The following GNS variants were observed in gnomAD, a reference collection of about 807,000 sequenced individuals.
GNS encodes the protein N-acetylglucosamine-6-sulfatase.
In GNS, 40 loss-of-function variants were observed where a neutral mutation model predicts 69.7. The observed-to-expected ratio is 0.57, with a 90% CI of 0.45 to 0.75. GNS has a LOEUF of 0.75. Ranked by LOEUF, GNS falls within the 30% of genes least tolerant of loss-of-function variation. The pLI is 0.00. For synonymous variants in GNS, 243 were observed against 251.6 expected (o/e 0.97, Z 0.32); for missense variants, 565 against 685.5 (o/e 0.82, Z 1.96).
intron 3 of GNS, among the ~76,000 whole-genome samples, chr12:64,747,377 A>G (rs1334329566): frequency 9.2e-5 from 14 of 152,244 alleles, no homozygotes; most frequent in Admixed American, 8.5e-4. Flanking sequence ...TGACAGCCAC[A>G]TGACAAACAG....
At chr12:64,758,542 C>T (rs1870349578) in intron 1 of GNS, among the ~76,000 whole-genome samples, 1 of 152,030 alleles carries the variant, frequency 6.6e-6, no homozygotes, top group Non-Finnish European at 1.5e-5. Context: ...CCAGGATGGT[C>T]TCGATCTCTT....
chr12:64,737,480 C>T (rs1454648894), intron 8 of GNS, among the ~76,000 whole-genome samples: 1 of 152,172 alleles, frequency 6.6e-6, no homozygotes, highest in Admixed American at 6.5e-5. Flanking sequence ...CCTGTGTTTC[C>T]TGAATAAACT....
chr12:64,737,335 T>C (rs542541100), intron 8 of GNS, among the ~76,000 whole-genome samples: 4 of 152,258 alleles, frequency 2.6e-5, no homozygotes, highest in Admixed American at 6.5e-5. Context: ...TGGCTTATGA[T>C]AGAACAAAAT....
chr12:64,726,331 A>AG (rs1168070295), intron 10 of GNS, among the ~76,000 whole-genome samples: 2 of 151,764 alleles, frequency 1.3e-5, no homozygotes, highest in East Asian at 1.9e-4. Flanking sequence ...GTATCTATAG[A>AG]GAAAAAAAAA....
intron 2 of GNS, among the ~76,000 whole-genome samples, chr12:64,749,113 G>C (rs1026786591): frequency 1.3e-5 from 2 of 150,900 alleles, no homozygotes; most frequent in East Asian, 3.9e-4. Flanking sequence ...CTAATTTTTT[G>C]TATTTTTAGT....
rs1454694759 is a variant in GNS at position 64,728,959 on chromosome 12, A to G, written c.1197T>C (p.Ile399=). The change falls in exon 10 of 14, where the codon ATT becomes ATC. Residue 399 remains isoleucine, a synonymous_variant. Transcript: ENST00000258145. ...TGATTGAGGGCGCTATACTTACCAA[A>G]ATGGGCAATAAGGACATCCCATCCA... ...TQMDGMSLLP[I]LRGASNLTWR... 4 of 1,493,182 alleles carry G rather than the reference A, an allele frequency of 2.7e-6. No homozygotes were observed. In the African/African-American group the frequency reaches 4.1e-5, roughly 15 times the overall value. 92.5% of individuals were successfully genotyped at this position (1,493,182 alleles called of 1,614,324 possible).
intron 2 of GNS, among the ~76,000 whole-genome samples, chr12:64,748,385 A>G (rs78667794): frequency 7.2e-6 from 1 of 139,642 alleles, no homozygotes; most frequent in Non-Finnish European, 1.6e-5. Context: ...TCATTTTTTT[A>G]TTTGTAGAGA....
intron 2 of GNS, among the ~76,000 whole-genome samples, chr12:64,748,414 G>A (rs922797027): frequency 4.1e-5 from 6 of 148,016 alleles, no homozygotes; most frequent in African/African-American, 1.5e-4. Flanking sequence ...TTCCTGTGTT[G>A]TCCAGACTTG....
Position 64,759,406 on chromosome 12 carries a change from C to G in GNS, c.-130G>C. ...TTGAAGGCCGGTGGCTGGAGTCAGACGTTTTCTCCCTAGGCGCGATCACGT... is the reference window on the plus strand; with the variant it reads ...TTGAAGGCCGGTGGCTGGAGTCAGAGGTTTTCTCCCTAGGCGCGATCACGT... On this transcript the variant is annotated 5_prime_UTR_variant, in exon 1 of 14. Coordinates refer to ENST00000258145, the MANE Select transcript of GNS (RefSeq NM_002076.4). 3 of 641,938 alleles carry G rather than the reference C, an allele frequency of 4.7e-6. No homozygotes were observed. The highest frequency in any genetic ancestry group is 2.7e-6 in the Non-Finnish European group (1 of 377,022). The allele number at this position is 641,938 out of a possible 1,614,324, so 39.8% of individuals were successfully genotyped here. A position where few individuals can be genotyped will look rare whatever the true frequency, so the allele number is the denominator to read the frequency against.
chr12:64,745,722 G>T lies in GNS; in HGVS notation c.462C>A (p.Tyr154Ter). The T allele has an allele frequency of 6.3e-7, 1 of 1,595,326 alleles. No homozygotes were observed. Among genetic ancestry groups the T allele is most frequent in the Non-Finnish European group, 8.6e-7 (1 of 1,162,826 alleles). ...CTAGTCCACCTGCATCTGGGGCTCC[G>T]TACTGAAAAGCAAAACAAGTAGGGA... ...TFFAGKYLNE[Y>*]GAPDAGGLEH... is the part of the protein sequence containing the mutation. Residue 154 changes from tyrosine to a stop codon, truncating the protein, a stop_gained and splice_region_variant, in exon 4 of 14, where the codon TAC (tyrosine) becomes TAA (stop). Coordinates refer to ENST00000258145, the MANE Select transcript of GNS (RefSeq NM_002076.4). LOFTEE classifies it high-confidence loss of function.
chr12:64,750,912 GAAAA>G (rs1291676219), intron 2 of GNS, among the ~76,000 whole-genome samples: 1 of 151,478 alleles, frequency 6.6e-6, no homozygotes, highest in Non-Finnish European at 1.5e-5. Flanking sequence ...TCTCAAAAAA[GAAAA>G]AAAAGAAAGA....
At chr12:64,733,654 C>T (rs1334745972) in intron 9 of GNS, among the ~76,000 whole-genome samples, 1 of 152,208 alleles carries the variant, frequency 6.6e-6, no homozygotes, top group African/African-American at 2.4e-5. Flanking sequence ...TGGGGCATCA[C>T]CTGGTTCCAC....
intron 7 of GNS, 150 bp downstream of exon 7, chr12:64,740,456 C>T (rs1472859449): frequency 1.0e-5 from 7 of 668,096 alleles, no homozygotes; most frequent in Middle Eastern, 2.9e-4. Context: ...AATCTCTCTG[C>T]TTCTGGTGCC....
intron 10 of GNS, among the ~76,000 whole-genome samples, chr12:64,727,369 GAGGCTGCAGT>G (rs760595712): frequency 4.4e-5 from 1 of 22,472 alleles, no homozygotes; most frequent in Non-Finnish European, 8.6e-5. Context: ...GTAGGAGACT[GAGGCTGCAGT>G]GAGCTGTGAT....
chr12:64,756,234 CTGAG>C (rs1870246186), intron 1 of GNS, among the ~76,000 whole-genome samples: 1 of 152,136 alleles, frequency 6.6e-6, no homozygotes, highest in South Asian at 2.1e-4. Context: ...ATCCTTTGAC[CTGAG>C]TGAGATTGGT....
intron 1 of GNS, 36 bp downstream of exon 1, chr12:64,759,049 A>G (rs375906050): frequency 3.0e-4 from 451 of 1,504,926 alleles, no homozygotes; most frequent in Non-Finnish European, 4.0e-4. Flanking sequence ...AGTCAGCCCA[A>G]GAGATAGAGG....
chr12:64,729,222 A>G, intron 9 of GNS, 165 bp from the exon 10 acceptor site: 1 of 638,692 alleles, frequency 1.6e-6, no homozygotes, highest in Admixed American at 2.5e-5. Context: ...TATAACTATA[A>G]TAACTTCAAA....
At chr12:64,749,760 ACTT>A (rs759911895) in intron 2 of GNS, among the ~76,000 whole-genome samples, 2 of 151,388 alleles carry the variant, frequency 1.3e-5, no homozygotes, top group Non-Finnish European at 2.9e-5. Flanking sequence ...TAGATGTTTG[ACTT>A]CTTAAGTTTA....
At position 64,714,795 on chromosome 12, in the gene GNS, GATA is replaced by G. The variant is rs1363322288; in HGVS notation, c.*1943_*1945del. Reference sequence around the variant, plus strand: ...ACTTTCATTAATGTGGAAGTTGACTGATAATGTTAAGAGTCAAAGTGAAAAAGA... The same window carrying G: ...ACTTTCATTAATGTGGAAGTTGACTGATGTTAAGAGTCAAAGTGAAAAAGA... On this transcript the variant is annotated 3_prime_UTR_variant, in exon 14 of 14. Transcript: ENST00000258145. 6.6e-6 allele frequency: 1 copy of G among 152,460 alleles called. No homozygotes were observed. The highest frequency in any genetic ancestry group is 1.9e-4 in the East Asian group (1 of 5,200). 9.4% of individuals were successfully genotyped at this position (152,460 alleles called of 1,614,324 possible).
Sources: allele counts gnomAD v4.1 joint callset (sites outside exome capture counted in the v4.1 genomes callset), GRCh38; gene constraint gnomAD v4.1.1; transcripts MANE v1.5; gene names NCBI Gene and HGNC (gene_info 2026-07-23, HGNC 2026-07-21).